Variants in PDE11A observed in about 807,000 individuals in gnomAD.
PDE11A encodes dual 3',5'-cyclic-AMP and -GMP phosphodiesterase 11A.
A neutral mutation model predicts 100.5 loss-of-function variants in PDE11A; 100 were observed. The observed-to-expected ratio is 1.00, with a 90% CI of 0.85 to 1.18. PDE11A has a LOEUF of 1.18. Among genes scored for constraint, PDE11A ranks in the 50% most tolerant of loss-of-function variants. The pLI is 0.00. For synonymous variants in PDE11A, 381 were observed against 420.8 expected (o/e 0.91, Z 1.16); for missense variants, 1,141 against 1,152.6 (o/e 0.99, Z 0.15).
At chr2:178,004,193 A>G (rs192650063) in intron 2 of PDE11A, among the ~76,000 whole-genome samples, 14 of 152,122 alleles carry the variant, frequency 9.2e-5, no homozygotes, top group African/African-American at 3.4e-4. Flanking sequence ...GGTGATACTA[A>G]TTTTTCCTTT....
intron 1 of PDE11A, among the ~76,000 whole-genome samples, chr2:178,023,831 A>G (rs1019786429): frequency 6.6e-6 from 1 of 152,226 alleles, no homozygotes; most frequent in Non-Finnish European, 1.5e-5. Flanking sequence ...TGTGGAGAAG[A>G]TTACAGAGAA....
intron 15 of PDE11A, among the ~76,000 whole-genome samples, chr2:177,682,258 C>T (rs75667657): frequency 0.079 from 11,951 of 152,194 alleles, 579 homozygotes; most frequent in East Asian, 0.19. Context: ...TCAAGATGTT[C>T]CGCCTTTCCT....
At chr2:177,866,300 C>T (rs1242103373) in intron 5 of PDE11A, among the ~76,000 whole-genome samples, 2 of 152,216 alleles carry the variant, frequency 1.3e-5, no homozygotes, top group African/African-American at 4.8e-5. Flanking sequence ...AGGGCAGGAA[C>T]TGGGTCACTC....
At chr2:177,681,491 A>G (rs1203723968) in intron 15 of PDE11A, among the ~76,000 whole-genome samples, 1 of 152,176 alleles carries the variant, frequency 6.6e-6, no homozygotes, top group Non-Finnish European at 1.5e-5. Context: ...CTGAGTCTCA[A>G]TTTCTTAATC....
intron 7 of PDE11A, among the ~76,000 whole-genome samples, chr2:177,819,602 C>A (rs2083100801): frequency 6.6e-6 from 1 of 151,970 alleles, no homozygotes; most frequent in Non-Finnish European, 1.5e-5. Flanking sequence ...AAATTGGAAG[C>A]TGCTTTTGCC....
At chr2:177,850,139 A>G (rs1174776500) in intron 5 of PDE11A, among the ~76,000 whole-genome samples, 1 of 152,224 alleles carries the variant, frequency 6.6e-6, no homozygotes, top group Non-Finnish European at 1.5e-5. Context: ...AAACTTTACT[A>G]CAAGGGTACA....
intron 2 of PDE11A, among the ~76,000 whole-genome samples, chr2:177,915,965 T>C (rs1415749940): frequency 6.6e-6 from 1 of 152,236 alleles, no homozygotes; most frequent in Non-Finnish European, 1.5e-5. Flanking sequence ...TCTTCAGAAA[T>C]GGCTGGCTTG....
chr2:177,920,157 T>C (rs2085019795), intron 2 of PDE11A, among the ~76,000 whole-genome samples: 1 of 152,094 alleles, frequency 6.6e-6, no homozygotes, highest in Non-Finnish European at 1.5e-5. Context: ...TTCTTCATTG[T>C]GAAAGGCCTT....
intron 2 of PDE11A, among the ~76,000 whole-genome samples, chr2:177,959,649 A>G (rs1203804020): frequency 2.0e-5 from 3 of 152,322 alleles, no homozygotes; most frequent in South Asian, 2.1e-4. Context: ...GGGTTGAACA[A>G]TTGGGGGAAT....
chr2:177,700,402 CAA>C (rs3056937), intron 14 of PDE11A, among the ~76,000 whole-genome samples: 93,390 of 145,156 alleles, frequency 0.64, 32,153 homozygotes, highest in East Asian at 0.81. Context: ...TTCCTGGCCT[CAA>C]AAAAAAAAAA....
intron 5 of PDE11A, among the ~76,000 whole-genome samples, chr2:177,858,490 A>G (rs1270404855): frequency 2.0e-5 from 3 of 152,174 alleles, no homozygotes; most frequent in Non-Finnish European, 1.5e-5. Flanking sequence ...CAGACACATG[A>G]AAAAATGCTC....
chr2:177,849,089 C>T (rs1294646573), intron 5 of PDE11A, among the ~76,000 whole-genome samples: 1 of 152,190 alleles, frequency 6.6e-6, no homozygotes, highest in Non-Finnish European at 1.5e-5. Flanking sequence ...CTACTAAGTG[C>T]TGGACAGGAG....
intron 9 of PDE11A, among the ~76,000 whole-genome samples, chr2:177,790,922 C>G (rs573918924): frequency 2.1e-4 from 32 of 152,294 alleles, no homozygotes; most frequent in African/African-American, 6.5e-4. Context: ...AATAGGAACA[C>G]TTTTACACTG....
intron 18 of PDE11A, among the ~76,000 whole-genome samples, chr2:177,666,325 T>C (rs187627039): frequency 9.8e-5 from 15 of 152,362 alleles, no homozygotes; most frequent in African/African-American, 3.1e-4. Flanking sequence ...GACATTTGAG[T>C]TGCTTCCAGG....
intron 10 of PDE11A, among the ~76,000 whole-genome samples, chr2:177,737,331 C>G (rs1002614694): frequency 1.3e-5 from 2 of 151,716 alleles, no homozygotes; most frequent in Non-Finnish European, 2.9e-5. Flanking sequence ...GTAATCTCAG[C>G]ACTTTGGGAG....
chr2:177,875,040 A>G (rs2105694096), intron 5 of PDE11A, among the ~76,000 whole-genome samples: 1 of 152,242 alleles, frequency 6.6e-6, no homozygotes, highest in African/African-American at 2.4e-5. Flanking sequence ...CCTGGCCAAC[A>G]TGGTGAAACC....
Position 177,745,414 on chromosome 2 carries a change from T to C in PDE11A, c.1789-17242A>G, listed in dbSNP as rs964883779. On this transcript the variant is annotated intron_variant, in intron 10 of 19. Coordinates refer to ENST00000286063, the MANE Select transcript of PDE11A (RefSeq NM_016953.4). ...TCTGCTACTCAGCCCTGTTTTAGAT[T>C]CACCTAGAGAAAGCATCAACTCAGA... Among the ~76,000 whole-genome samples the C allele has an allele frequency of 2.6e-5, 4 of 152,326 alleles. No homozygotes were observed. In the East Asian group the frequency reaches 7.7e-4, roughly 29 times the overall value.
chr2:177,795,446 T>C (rs961018923), intron 9 of PDE11A, among the ~76,000 whole-genome samples: 1 of 152,120 alleles, frequency 6.6e-6, no homozygotes, highest in Non-Finnish European at 1.5e-5. Flanking sequence ...TAGAAAGTGT[T>C]GATTACCCGC....
chr2:177,800,053 G>T (rs11892557), intron 9 of PDE11A, among the ~76,000 whole-genome samples: 3,853 of 152,110 alleles, frequency 0.025, 153 homozygotes, highest in African/African-American at 0.088. Context: ...GAAGCACAGA[G>T]AAATTGACCT....
Sources: allele counts gnomAD v4.1 joint callset (sites outside exome capture counted in the v4.1 genomes callset), GRCh38; gene constraint gnomAD v4.1.1; transcripts MANE v1.5; gene names NCBI Gene and HGNC (gene_info 2026-07-23, HGNC 2026-07-21).